Variants in TBCD observed in about 807,000 individuals in gnomAD.
The protein encoded by TBCD is tubulin-specific chaperone D.
TBCD carries 105 observed loss-of-function variants against 169.3 expected under a neutral mutation model. That is an observed-to-expected ratio of 0.62 (90% CI 0.53 to 0.73). The LOEUF is 0.73. Ranked by LOEUF, TBCD falls within the 30% of genes least tolerant of loss-of-function variation. TBCD has a pLI of 0.00. For synonymous variants in TBCD, 700 were observed against 643.9 expected (o/e 1.09, Z -1.32); for missense variants, 1,444 against 1,600.1 (o/e 0.90, Z 1.66).
At chr17:82,797,328 T>C (rs969133702) in intron 7 of TBCD, among the ~76,000 whole-genome samples, 1 of 152,238 alleles carries the variant, frequency 6.6e-6, no homozygotes, top group Non-Finnish European at 1.5e-5. Flanking sequence ...GAAGCATGAA[T>C]GCAGATGGAG....
rs368287550 is a variant in TBCD at position 82,830,975 on chromosome 17, C to T, written c.1318+16041C>T. 23 of 1,613,456 alleles carry T rather than the reference C, an allele frequency of 1.4e-5. No homozygotes were observed. In the African/African-American group the frequency reaches 2.4e-4, roughly 17 times the overall value. Reference sequence around the variant, plus strand: ...TATAAGCCTGGCTCATGGAACCCAACCAGAAACATTCCCTTGGAGGTTTTG... The same window carrying T: ...TATAAGCCTGGCTCATGGAACCCAATCAGAAACATTCCCTTGGAGGTTTTG... On this transcript the variant is annotated intron_variant, in intron 13 of 38. Transcript: ENST00000355528.
At chr17:82,912,232 G>A (rs560793426) in intron 23 of TBCD, among the ~76,000 whole-genome samples, 49 of 152,174 alleles carry the variant, frequency 3.2e-4, no homozygotes, top group Admixed American at 2.2e-3. Flanking sequence ...AAGCTCAGGC[G>A]GGGGCAAGAG....
intron 33 of TBCD, among the ~76,000 whole-genome samples, chr17:82,931,683 G>T (rs1017084635): frequency 1.6e-4 from 24 of 152,220 alleles, no homozygotes; most frequent in Non-Finnish European, 3.1e-4. Flanking sequence ...GCACAGCTGG[G>T]CCTCCCTCTC....
intron 37 of TBCD, among the ~76,000 whole-genome samples, chr17:82,940,462 C>T (rs879734421): frequency 3.9e-5 from 6 of 152,204 alleles, no homozygotes; most frequent in Non-Finnish European, 7.3e-5. Flanking sequence ...TTGTTGAATC[C>T]AGCAAGGACG....
intron 14 of TBCD, among the ~76,000 whole-genome samples, chr17:82,878,394 G>A (rs148759846): frequency 1.4e-4 from 22 of 152,336 alleles, no homozygotes; most frequent in East Asian, 9.6e-4. Flanking sequence ...ACCAGGTCCC[G>A]TCACCCGCTC....
At chr17:82,792,370 CACAT>C (rs998326738) in intron 7 of TBCD, among the ~76,000 whole-genome samples, 8 of 150,534 alleles carry the variant, frequency 5.3e-5, no homozygotes, top group African/African-American at 1.7e-4. Flanking sequence ...CACACACACA[CACAT>C]ATATGTGTAT....
chr17:82,891,597 C>T (rs555072229), intron 16 of TBCD, among the ~76,000 whole-genome samples: 129 of 152,320 alleles, frequency 8.5e-4, no homozygotes, highest in Middle Eastern at 6.8e-3. Flanking sequence ...CGGGAGTGGA[C>T]GTGTCGCATA....
At chr17:82,911,476 G>A (rs145955334) in intron 22 of TBCD, among the ~76,000 whole-genome samples, 34 of 152,288 alleles carry the variant, frequency 2.2e-4, no homozygotes, top group South Asian at 1.4e-3. Context: ...AGAGCTGAGC[G>A]CTGCTTGGAA....
At chr17:82,912,871 A>G (rs1389965831) in intron 23 of TBCD, 3 of 152,246 alleles carry the variant, frequency 2.0e-5, no homozygotes, top group Non-Finnish European at 4.4e-5. Flanking sequence ...CAGTGTTCTC[A>G]TGAGTCTGAT....
intron 6 of TBCD, among the ~76,000 whole-genome samples, chr17:82,774,565 A>G (rs1598430837): frequency 1.3e-5 from 2 of 152,268 alleles, no homozygotes; most frequent in East Asian, 3.9e-4. Context: ...GCTGTTGGGT[A>G]CACCTCCCAG....
chr17:82,916,089 C>G (rs911941095), intron 23 of TBCD, among the ~76,000 whole-genome samples: 1 of 152,242 alleles, frequency 6.6e-6, no homozygotes, highest in Non-Finnish European at 1.5e-5. Flanking sequence ...TTTACCCACA[C>G]AGCCACCTGC....
intron 27 of TBCD, among the ~76,000 whole-genome samples, chr17:82,925,503 G>A (rs1568059264): frequency 6.6e-6 from 1 of 152,074 alleles, no homozygotes; most frequent in Non-Finnish European, 1.5e-5. Flanking sequence ...CTTTCCTGTG[G>A]TGCTGGTCCC....
intron 23 of TBCD, among the ~76,000 whole-genome samples, chr17:82,919,689 A>G (rs2061298403): frequency 6.6e-6 from 1 of 152,072 alleles, no homozygotes; most frequent in Admixed American, 6.5e-5. Context: ...GTTGGCACTG[A>G]AGAATCTTGG....
chr17:82,752,788 T>G (rs575532511), intron 1 of TBCD, among the ~76,000 whole-genome samples: 1 of 152,254 alleles, frequency 6.6e-6, no homozygotes, highest in Non-Finnish European at 1.5e-5. Flanking sequence ...CAGGCTTGCC[T>G]CCACCGAGCG....
chr17:82,811,907 C>T (rs938550655), intron 12 of TBCD, among the ~76,000 whole-genome samples: 10 of 152,144 alleles, frequency 6.6e-5, no homozygotes, highest in African/African-American at 2.4e-4. Context: ...TAAGAACACC[C>T]AGCACCCAGG....
chr17:82,858,433 G>A (rs2056493029), intron 13 of TBCD: 1 of 291,982 alleles, frequency 3.4e-6, no homozygotes. Flanking sequence ...CCGTGTTTTT[G>A]CTAGCTCCAG....
At chr17:82,910,801 A>G (rs143208008) in intron 22 of TBCD, among the ~76,000 whole-genome samples, 1,689 of 152,232 alleles carry the variant, frequency 0.011, 26 homozygotes, top group African/African-American at 0.038. Context: ...CCTGACCTGA[A>G]GCGATCCGCC....
chr17:82,838,859 ACAGTC>A, intron 13 of TBCD: 1 of 985,410 alleles, frequency 1.0e-6, no homozygotes, highest in Non-Finnish European at 1.2e-6. Flanking sequence ...TCACCACTTT[ACAGTC>A]GCCGCCTCAT....
Position 82,927,332 on chromosome 17 carries a change from G to A in TBCD, c.2609+9G>A, listed in dbSNP as rs560479825. 41 of 1,612,368 alleles carry A rather than the reference G, an allele frequency of 2.5e-5. No homozygotes were observed. The East Asian group carries it at 2.7e-4, about 11-fold the overall frequency. ...GGGGACGTGGGCACCTGGTACGTAC[G>A]TAGCAGTGGGTGAGCGCTTCTTCTG... On this transcript the variant is annotated intron_variant, in intron 29 of 38. Coordinates refer to ENST00000355528, the MANE Select transcript of TBCD (RefSeq NM_005993.5).
Sources: gnomAD v4.1 joint callset for allele counts (sites outside exome capture counted in the v4.1 genomes callset) on GRCh38, gnomAD v4.1.1 for gene constraint, MANE v1.5 for transcripts, NCBI Gene and HGNC (gene_info 2026-07-23, HGNC 2026-07-21) for gene names.